P2RX6: variants seen among roughly 807,000 people sequenced by gnomAD.
P2RX6 encodes P2X purinoceptor 6.
Under a neutral mutation model 54.2 loss-of-function variants are expected in P2RX6, and 62 were observed. The ratio of observed to expected loss-of-function variants is 1.14; its 90% CI spans 0.93 to 1.41. The LOEUF (loss-of-function observed/expected upper bound fraction) is 1.41, where lower values mean the gene tolerates loss of function less well. Among genes scored for constraint, P2RX6 ranks in the 40% most tolerant of loss-of-function variants. The probability of loss-of-function intolerance (pLI) is 0.00; values close to 1 mark genes in which losing one functional copy is unlikely to be tolerated. For missense variants in P2RX6, 541 were observed against 566.3 expected (o/e 0.96, Z 0.45); for synonymous variants, 211 against 231.9 (o/e 0.91, Z 0.82).
rs1320025837 is a variant in P2RX6 at position 21,026,179 on chromosome 22, G to C, written c.1051-73G>C. On this transcript the variant is annotated intron_variant, in intron 10 of 11. Coordinates refer to ENST00000413302, the MANE Select transcript of P2RX6 (RefSeq NM_005446.5). This position sits in a 1 kb window ranked among gnomAD's most constrained non-coding sequence, Gnocchi z 4.0. ...CTCCGGTGCCTGCACATTGAGTCTCGGGGTGCAGGCTGGGGAGGTGGCAGG... is the reference window on the plus strand; with the variant it reads ...CTCCGGTGCCTGCACATTGAGTCTCCGGGTGCAGGCTGGGGAGGTGGCAGG... 6.5e-7 allele frequency: 1 copy of C among 1,527,000 alleles called. No individual in the cohort carries two copies. The highest frequency in any genetic ancestry group is 1.4e-5 in the African/African-American group (1 of 73,178). The allele number at this position is 1,527,000 out of a possible 1,614,324, so 94.6% of individuals were successfully genotyped here.
chr22:21,022,941 G>A lies in P2RX6; in HGVS notation c.464-1G>A, dbSNP rs1927683713. On this transcript the variant is annotated splice_acceptor_variant, in intron 4 of 11. Transcript: ENST00000413302. LOFTEE classifies it high-confidence loss of function. ...TCTGGAGTTCATCTTTTGTTTTCTA[G>A]GTGTAAAAACAGGCCAGTGTGTGGT... The A allele has an allele frequency of 1.2e-6, 2 of 1,612,256 alleles. No individual in the cohort carries two copies. Among genetic ancestry groups the A allele is most frequent in the South Asian group, 1.1e-5 (1 of 91,076 alleles).
chr22:21,014,200 C>A, upstream of P2RX6: 1 of 154,284 alleles, frequency 6.5e-6, no homozygotes, highest in South Asian at 1.8e-4. Flanking sequence ...CCCCAGACCT[C>A]TGGCAGGAAC....
chr22:21,015,237 G>A lies in P2RX6; in HGVS notation c.63G>A (p.Gly21=), dbSNP rs539179716. Residue 21 remains glycine, a synonymous_variant, in exon 1 of 12, where the codon GGG becomes GGA. Transcript: ENST00000413302. ...MGSPGATTGW[G]LLDYKTEKYV... ...CCCCAGGGGCTACGACAGGCTGGGG[G>A]CTTCTGGATTATAAGACGGAGAAGT... 3.9e-6 allele frequency: 6 copies of A among 1,538,370 alleles called. No homozygotes were observed. The Admixed American group carries it at 7.2e-5, about 18-fold the overall frequency.
At chr22:21,017,783 A>T (rs1926657793) in intron 2 of P2RX6, 1 of 648,854 alleles carries the variant, frequency 1.5e-6, no homozygotes, top group African/African-American at 1.8e-5. Context: ...GTCTCAAGAG[A>T]TGGACATGGG....
At chr22:21,019,109 T>A (rs1926923465) in intron 3 of P2RX6, among the ~76,000 whole-genome samples, 2 of 152,210 alleles carry the variant, frequency 1.3e-5, no homozygotes, top group Admixed American at 1.3e-4. Flanking sequence ...GAATTTTGTT[T>A]GAACTATTGG....
At chr22:21,020,476 A>G (rs1601760520) in intron 3 of P2RX6, among the ~76,000 whole-genome samples, 1 of 151,950 alleles carries the variant, frequency 6.6e-6, no homozygotes, top group East Asian at 1.9e-4. Flanking sequence ...TCCATCTCCC[A>G]TACTTCAAAG....
At chr22:21,022,096 G>A (rs908160282) in intron 3 of P2RX6, among the ~76,000 whole-genome samples, 6 of 152,252 alleles carry the variant, frequency 3.9e-5, no homozygotes, top group East Asian at 3.9e-4. Flanking sequence ...GGCAGGGTGC[G>A]TTGTCTCACG....
intron 2 of P2RX6, among the ~76,000 whole-genome samples, chr22:21,017,716 A>G (rs1012934285): frequency 4.6e-5 from 7 of 152,098 alleles, no homozygotes; most frequent in African/African-American, 1.7e-4. Context: ...TCCTGTCTCT[A>G]AATACACACA....
Position 21,025,907 on chromosome 22 carries a change from A to C in P2RX6, c.984+9A>C, listed in dbSNP as rs1928358742. 3 of 1,580,248 alleles carry C rather than the reference A, an allele frequency of 1.9e-6. No individual in the cohort carries two copies. The highest frequency in any genetic ancestry group is 2.3e-5 in the South Asian group (2 of 86,484). On this transcript the variant is annotated intron_variant, in intron 9 of 11. Coordinates refer to ENST00000413302, the MANE Select transcript of P2RX6 (RefSeq NM_005446.5). Reference sequence around the variant, plus strand: ...TCCTCGTCACCGGGCAGGTAGGCACAGGTAGGGGTCAGGCCGGGGATGGGA... The same window carrying C: ...TCCTCGTCACCGGGCAGGTAGGCACCGGTAGGGGTCAGGCCGGGGATGGGA...
chr22:21,015,184 C>T lies in P2RX6; in HGVS notation c.10C>T (p.Gln4Ter), dbSNP rs1263418245. The part of the protein sequence containing the change: MCP[Q>*]LAGAGSMGSP... ...GCTGCCATGCTGACTCATGTGCCCG[C>T]AGCTAGCAGGAGCTGGCAGCATGGG... The change falls in exon 1 of 12, where the codon CAG becomes TAG. Residue 4 changes from glutamine to a stop codon, truncating the protein, a stop_gained. Transcript: ENST00000413302. LOFTEE classifies it high-confidence loss of function. 1 of 1,507,396 alleles carries T rather than the reference C, an allele frequency of 6.6e-7. No individual in the cohort carries two copies. Among genetic ancestry groups the T allele is most frequent in the Non-Finnish European group, 8.8e-7 (1 of 1,136,692 alleles). 93.4% of individuals were successfully genotyped at this position (1,507,396 alleles called of 1,614,324 possible).
chr22:21,026,002 C>A lies in P2RX6; in HGVS notation c.985-9C>A. ...GTGGGCTGAGAGGTTCAGCTCAGAT[C>A]TCTCTCAGGCAGGGAAGTTCGGGCT... On this transcript the variant is annotated splice_polypyrimidine_tract_variant and intron_variant, in intron 9 of 11. Coordinates refer to ENST00000413302, the MANE Select transcript of P2RX6 (RefSeq NM_005446.5). The surrounding 1 kb of genome is among the most constrained non-coding windows in gnomAD (Gnocchi z 4.0). 6.2e-7 allele frequency: 1 copy of A among 1,608,676 alleles called. No individual in the cohort carries two copies. Among genetic ancestry groups the A allele is most frequent in the African/African-American group, 1.3e-5 (1 of 74,944 alleles).
At position 21,023,028 on chromosome 22, in the gene P2RX6, G is replaced by A. The variant is rs1927703204; in HGVS notation, c.550G>A (p.Val184Met). Residue 184 changes from valine (V) to methionine (M), a missense_variant, in exon 5 of 12, where the codon GTG (valine) becomes ATG (methionine). Coordinates refer to ENST00000413302, the MANE Select transcript of P2RX6 (RefSeq NM_005446.5). ...TTGGTGCCCCGTGGAGAGTGGCGTT[G>A]TGCCCTCGTAAGTGTCCCCACAATC... ...WSWCPVESGV[V>M]PSRPLLAQAQ... The A allele has an allele frequency of 2.5e-6, 4 of 1,613,292 alleles. No individual in the cohort carries two copies. The highest frequency in any genetic ancestry group is 1.3e-5 in the African/African-American group (1 of 74,878).
At chr22:21,016,985 C>A (rs1469515673) in intron 2 of P2RX6, among the ~76,000 whole-genome samples, 1 of 152,174 alleles carries the variant, frequency 6.6e-6, no homozygotes, top group Non-Finnish European at 1.5e-5. Context: ...GCTGTGACAT[C>A]CACTAGTGCC....
At position 21,023,270 on chromosome 22, in the gene P2RX6, C is replaced by T. The variant is rs1927779955; in HGVS notation, c.639-5C>T. ...ACCTCATCTGACCTTTCCCACTCCT[C>T]CCAGGTCCAATGCCTTGGAGACCTG... is the stretch of plus-strand genomic sequence containing the variant. On this transcript the variant is annotated splice_polypyrimidine_tract_variant and splice_region_variant and intron_variant, in intron 6 of 11. Coordinates refer to ENST00000413302, the MANE Select transcript of P2RX6 (RefSeq NM_005446.5). 1.2e-6 allele frequency: 2 copies of T among 1,614,044 alleles called. No individual in the cohort carries two copies. The highest frequency in any genetic ancestry group is 1.6e-4 in the Middle Eastern group (1 of 6,062).
chr22:21,015,136 C>T (rs375821829), upstream of P2RX6: 915 of 1,336,402 alleles, frequency 6.8e-4, 15 homozygotes, highest in South Asian at 0.013. Flanking sequence ...CCCTGCTTTG[C>T]CTCCTGTTCA....
Position 21,015,933 on chromosome 22 carries a change from C to A in P2RX6, c.165-9C>A. 6.5e-7 allele frequency: 1 copy of A among 1,549,302 alleles called. No homozygotes were observed. Among genetic ancestry groups the A allele is most frequent in the South Asian group, 1.2e-5 (1 of 83,934 alleles). ...GGACACACCACACTGCCCGACTTCTCCTCCCCAGGTGGGCTCTCCTCGCCA... is the reference window on the plus strand; with the variant it reads ...GGACACACCACACTGCCCGACTTCTACTCCCCAGGTGGGCTCTCCTCGCCA... On this transcript the variant is annotated splice_polypyrimidine_tract_variant and intron_variant, in intron 1 of 11. Coordinates refer to ENST00000413302, the MANE Select transcript of P2RX6 (RefSeq NM_005446.5).
Position 21,026,042 on chromosome 22 carries a change from T to C in P2RX6, c.1016T>C (p.Val339Ala). The C allele has an allele frequency of 6.2e-7, 1 of 1,612,050 alleles. No individual in the cohort carries two copies. Residue 339 changes from valine (V) to alanine (A), a missense_variant, in exon 10 of 12, where the codon GTC becomes GCC. By Grantham distance (64) the Val-to-Ala change is moderately conservative. Around this residue, in one of 2 missense-constraint regions of P2RX6, gnomAD observed 526 missense variants for 531.5 expected, o/e 0.99. Transcript: ENST00000413302. This position sits in a 1 kb window ranked among gnomAD's most constrained non-coding sequence, Gnocchi z 4.0. ...AAGTTCGGGCTCATCCCCACGGCCG[T>C]CACACTGGGCACCGGGGCAGCTTGG... ...AGKFGLIPTA[V>A]TLGTGAAWLG...
intron 7 of P2RX6, 38 bp from the exon 8 acceptor site, chr22:21,023,465 TCCCGGG>T: frequency 8.7e-6 from 14 of 1,613,418 alleles, no homozygotes; most frequent in Non-Finnish European, 1.2e-5. Flanking sequence ...TGGGAGAGGG[TCCCGGG>T]CCCACCCACC....
At chr22:21,012,618 A>G (rs568154183), upstream of P2RX6, 387 of 596,656 alleles carry the variant, frequency 6.5e-4, 2 homozygotes, top group Non-Finnish European at 1.0e-3. Context: ...GCCACTTGAC[A>G]TATGGATTGG....
Sources: allele counts gnomAD v4.1 joint callset (sites outside exome capture counted in the v4.1 genomes callset), GRCh38; gene constraint gnomAD v4.1.1; regional missense constraint gnomAD v4.1.1; non-coding constraint Gnocchi (gnomAD v3.1); transcripts MANE v1.5; gene names NCBI Gene and HGNC (gene_info 2026-07-23, HGNC 2026-07-21).